BMAL1: variants seen among roughly 807,000 people sequenced by gnomAD.
BMAL1 encodes basic helix-loop-helix ARNT like 1.
the BMAL1 span, among the ~76,000 whole-genome samples, chr11:13,285,534 G>A: frequency 2.6e-5 from 4 of 152,216 alleles, no homozygotes; most frequent in Non-Finnish European, 5.9e-5. Flanking sequence ...CCTCTCTGAG[G>A]AGGTGACATT....
At chr11:13,350,550 A>G in the BMAL1 span, among the ~76,000 whole-genome samples, 2 of 152,204 alleles carry the variant, frequency 1.3e-5, no homozygotes, top group African/African-American at 4.8e-5. Context: ...TGTGATGGAA[A>G]TAACTAGATC....
chr11:13,325,749 A>G, the BMAL1 span, among the ~76,000 whole-genome samples: 1 of 151,116 alleles, frequency 6.6e-6, no homozygotes, highest in Non-Finnish European at 1.5e-5. Flanking sequence ...TTTTGATGAA[A>G]ACCTTTTCAT....
the BMAL1 span, among the ~76,000 whole-genome samples, chr11:13,288,935 C>G: frequency 6.6e-6 from 1 of 152,182 alleles, no homozygotes; most frequent in Non-Finnish European, 1.5e-5. Flanking sequence ...CAGAAAGTGC[C>G]ACTATGGAAG....
chr11:13,307,028 T>C, the BMAL1 span, among the ~76,000 whole-genome samples: 1 of 152,208 alleles, frequency 6.6e-6, no homozygotes, highest in Non-Finnish European at 1.5e-5. Context: ...AGGTTGGTGA[T>C]GTGCCTGCCT....
chr11:13,354,312 G>A, the BMAL1 span: 1 of 1,602,300 alleles, frequency 6.2e-7, no homozygotes. Flanking sequence ...TCATCCAATG[G>A]CAGACCAGAG....
chr11:13,386,511 T>C, the BMAL1 span: 14 of 1,338,228 alleles, frequency 1.0e-5, no homozygotes, highest in Non-Finnish European at 1.1e-5. Flanking sequence ...AACTTTCTTA[T>C]TAAAAATGTG....
the BMAL1 span, chr11:13,385,668 C>G: frequency 1.3e-6 from 2 of 1,570,940 alleles, no homozygotes; most frequent in Non-Finnish European, 8.8e-7. Context: ...AAACTTCACA[C>G]TTCCCTCCTT....
the BMAL1 span, among the ~76,000 whole-genome samples, chr11:13,358,833 G>A: frequency 1.2e-4 from 18 of 152,300 alleles, no homozygotes; most frequent in African/African-American, 4.3e-4. Flanking sequence ...TGCTTTGCAC[G>A]TCTCTGTATA....
chr11:13,341,896 G>A, the BMAL1 span, among the ~76,000 whole-genome samples: 11 of 152,224 alleles, frequency 7.2e-5, no homozygotes, highest in African/African-American at 2.7e-4. Context: ...TGAATGCAGG[G>A]GCATGTCAAG....
chr11:13,365,713 CTTCTT>C, the BMAL1 span: 1 of 683,900 alleles, frequency 1.5e-6, no homozygotes, highest in Non-Finnish European at 2.4e-6. Context: ...AAATTCTTAA[CTTCTT>C]AACAGATAAA....
the BMAL1 span, chr11:13,378,330 G>A: frequency 1.2e-6 from 2 of 1,602,620 alleles, no homozygotes; most frequent in Non-Finnish European, 1.7e-6. Flanking sequence ...AGATTCCTTT[G>A]TTGTAGGTGG....
At chr11:13,355,666 C>A in the BMAL1 span, among the ~76,000 whole-genome samples, 21 of 152,312 alleles carry the variant, frequency 1.4e-4, no homozygotes, top group East Asian at 4.1e-3. Context: ...GAGATTATCA[C>A]CTGGCCTCAA....
At chr11:13,332,732 C>T in the BMAL1 span, among the ~76,000 whole-genome samples, 1 of 152,110 alleles carries the variant, frequency 6.6e-6, no homozygotes, top group Non-Finnish European at 1.5e-5. Context: ...GTGTGTGACT[C>T]GGCCAGGAGA....
chr11:13,291,881 CT>C, the BMAL1 span, among the ~76,000 whole-genome samples: 346 of 152,146 alleles, frequency 2.3e-3, 2 homozygotes, highest in African/African-American at 7.8e-3. Context: ...AATCCCAAGG[CT>C]TTAATAGATG....
the BMAL1 span, among the ~76,000 whole-genome samples, chr11:13,346,379 GGA>G: frequency 6.6e-6 from 1 of 152,182 alleles, no homozygotes; most frequent in Non-Finnish European, 1.5e-5. Context: ...ACCAGGGAAA[GGA>G]GAGAGTCACT....
the BMAL1 span, among the ~76,000 whole-genome samples, chr11:13,326,167 G>A: frequency 4.0e-4 from 60 of 150,212 alleles, no homozygotes; most frequent in African/African-American, 1.3e-3. Flanking sequence ...TCATGCCACC[G>A]CACTCCAGCC....
the BMAL1 span, among the ~76,000 whole-genome samples, chr11:13,382,627 C>G: frequency 7.2e-5 from 11 of 152,038 alleles, no homozygotes; most frequent in Admixed American, 2.0e-4. Context: ...GTCTTCCAGT[C>G]TCTGCTTCTT....
At chr11:13,325,384 G>A in the BMAL1 span, among the ~76,000 whole-genome samples, 5 of 152,280 alleles carry the variant, frequency 3.3e-5, no homozygotes, top group African/African-American at 1.2e-4. Context: ...TTCTTTTCTC[G>A]CAGTGGGTAC....
the BMAL1 span, among the ~76,000 whole-genome samples, chr11:13,302,983 G>A: frequency 0.61 from 92,911 of 152,070 alleles, 29,565 homozygotes; most frequent in Non-Finnish European, 0.71. Context: ...CTCTGGCCTC[G>A]AGCTGATTAA....
Sources: allele counts gnomAD v4.1 joint callset (sites outside exome capture counted in the v4.1 genomes callset), GRCh38; gene constraint gnomAD v4.1.1; transcripts MANE v1.5; gene names NCBI Gene and HGNC (gene_info 2026-07-23, HGNC 2026-07-21).